ADGRF3: variants seen among roughly 807,000 people sequenced by gnomAD.
ADGRF3 encodes the protein G protein-coupled receptor 113.
ADGRF3 carries 85 observed loss-of-function variants against 93.2 expected under a neutral mutation model. The ratio of observed to expected loss-of-function variants is 0.91; its 90% CI spans 0.77 to 1.09. The LOEUF (loss-of-function observed/expected upper bound fraction) is 1.09, where lower values mean the gene tolerates loss of function less well. ADGRF3 is among the 50% of genes least tolerant of loss of function. ADGRF3 has a pLI of 0.00. For missense variants in ADGRF3, 1,125 were observed against 1,246.2 expected, an observed-to-expected ratio of 0.90 and a Z score of 1.46; for synonymous variants, 534 against 532.5, an observed-to-expected ratio of 1.00 and a Z score of -0.04.
intron 13 of ADGRF3, 80 bp downstream of exon 13, chr2:26,309,446 G>A: frequency 6.4e-7 from 1 of 1,564,056 alleles, no homozygotes. Flanking sequence ...CTTCTCTCCA[G>A]CACTTTGCCA....
chr2:26,309,197 A>T, intron 13 of ADGRF3, 90 bp from the exon 14 acceptor site: 1 of 1,613,888 alleles, frequency 6.2e-7, no homozygotes, highest in Non-Finnish European at 8.5e-7. Context: ...ACCCATGGCA[A>T]TCCCTTCAAG....
intron 13 of ADGRF3, 49 bp from the exon 14 acceptor site, chr2:26,309,156 C>CA: frequency 6.2e-7 from 1 of 1,614,018 alleles, no homozygotes; most frequent in Non-Finnish European, 8.5e-7. Context: ...CCAACTTCTG[C>CA]AGGCTGCCCT....
At chr2:26,321,949 G>T (rs1675171614) in intron 1 of ADGRF3, among the ~76,000 whole-genome samples, 1 of 147,466 alleles carries the variant, frequency 6.8e-6, no homozygotes, top group Non-Finnish European at 1.5e-5. Flanking sequence ...CTCCAGCCTG[G>T]GTGACAGAAT....
rs1397349333 is a variant in ADGRF3, at chr2:26,310,710, G to C, written c.2814C>G (p.Thr938=). 6.2e-7 allele frequency: 1 copy of C among 1,611,974 alleles called. No homozygotes were observed. The highest frequency in any genetic ancestry group is 8.5e-7 in the Non-Finnish European group (1 of 1,179,068). Residue 938 remains threonine (T), a synonymous_variant, in exon 10 of 14, where the codon ACC becomes ACG. Transcript: ENST00000651242. ...CACCTACCTGGAGGGTGTTGAGAAT[G>C]GTGAAGATGTAATGAGGGACCGTGG... is the stretch of plus-strand genomic sequence containing the variant. ...EVSTVPHYIF[T]ILNTLQGVFI... is the part of the protein sequence containing the mutation.
intron 6 of ADGRF3, among the ~76,000 whole-genome samples, chr2:26,314,154 A>G (rs115484120): frequency 2.4e-3 from 358 of 152,338 alleles, no homozygotes; most frequent in African/African-American, 8.4e-3. Context: ...AATGGAGACT[A>G]CCATCAAACT....
At chr2:26,315,088 C>T (rs568744459) in intron 5 of ADGRF3, among the ~76,000 whole-genome samples, 1 of 152,146 alleles carries the variant, frequency 6.6e-6, no homozygotes, top group Non-Finnish European at 1.5e-5. Flanking sequence ...AAATCTTGCC[C>T]GTGTCTGGGT....
At chr2:26,339,847 A>G (rs1239019963) in intron 1 of ADGRF3, among the ~76,000 whole-genome samples, 1 of 152,172 alleles carries the variant, frequency 6.6e-6, no homozygotes, top group African/African-American at 2.4e-5. Flanking sequence ...ATCAGCCCGC[A>G]TTCCAGGTGG....
intron 1 of ADGRF3, among the ~76,000 whole-genome samples, chr2:26,343,789 G>A (rs1263779498): frequency 6.6e-6 from 1 of 152,162 alleles, no homozygotes; most frequent in African/African-American, 2.4e-5. Flanking sequence ...AGTGAAGTAA[G>A]TTGTCTGAGA....
At chr2:26,333,850 G>A (rs538759684) in intron 1 of ADGRF3, among the ~76,000 whole-genome samples, 28 of 152,024 alleles carry the variant, frequency 1.8e-4, no homozygotes, top group African/African-American at 6.8e-4. Context: ...TTAAGACAGA[G>A]TCTGGCTGTG....
chr2:26,317,786 C>G (rs111574690), intron 1 of ADGRF3, among the ~76,000 whole-genome samples: 2 of 152,248 alleles, frequency 1.3e-5, no homozygotes, highest in Non-Finnish European at 2.9e-5. Context: ...CAGGCACGCC[C>G]TGGGAAGTCA....
Position 26,346,560 on chromosome 2 carries a change from A to ATT in ADGRF3, c.-328_-327dup. The ATT allele has an allele frequency of 2.9e-6, 1 of 343,678 alleles. No individual in the cohort carries two copies. The highest frequency in any genetic ancestry group is 5.2e-5 in the East Asian group (1 of 19,330). The allele number at this position is 343,678 out of a possible 1,614,324, so 21.3% of individuals were successfully genotyped here. The stretch of plus-strand genomic sequence containing the variant: ...CATGGAGCGAGGGAATTCCCTTCCT[A>ATT]TTTTTTTTAAACTTATTATTTTCGT... On this transcript the variant is annotated 5_prime_UTR_variant, in exon 1 of 14. The change creates a premature stop within an existing upstream ORF in the 5' untranslated region. Transcript: ENST00000651242.
chr2:26,318,615 G>A (rs1271656862), intron 1 of ADGRF3, among the ~76,000 whole-genome samples: 1 of 152,168 alleles, frequency 6.6e-6, no homozygotes, highest in African/African-American at 2.4e-5. Flanking sequence ...TCTTTCCTCA[G>A]ATTCTCTCCC....
At chr2:26,336,341 T>TGTGTGTGTGA (rs1257200129) in intron 1 of ADGRF3, among the ~76,000 whole-genome samples, 5 of 151,902 alleles carry the variant, frequency 3.3e-5, no homozygotes, top group South Asian at 2.1e-4. Context: ...TGTGTGAGTG[T>TGTGTGTGTGA]GTGTTTGTAT....
At chr2:26,324,371 G>T (rs1314671870) in intron 1 of ADGRF3, among the ~76,000 whole-genome samples, 1 of 152,096 alleles carries the variant, frequency 6.6e-6, no homozygotes, top group Non-Finnish European at 1.5e-5. Flanking sequence ...TAGGTTCAGG[G>T]GTACAAGTGC....
At chr2:26,324,371 G>A (rs1314671870) in intron 1 of ADGRF3, among the ~76,000 whole-genome samples, 1 of 152,096 alleles carries the variant, frequency 6.6e-6, no homozygotes, top group East Asian at 1.9e-4. Flanking sequence ...TAGGTTCAGG[G>A]GTACAAGTGC....
At chr2:26,313,343 AG>A in intron 8 of ADGRF3, 33 bp downstream of exon 8, 1 of 1,526,108 alleles carries the variant, frequency 6.6e-7, no homozygotes, top group Non-Finnish European at 8.8e-7. Flanking sequence ...TGGGCCGTGG[AG>A]GGGGCACGTG....
intron 6 of ADGRF3, 138 bp from the exon 7 acceptor site, chr2:26,314,041 G>A: frequency 9.4e-7 from 1 of 1,068,526 alleles, no homozygotes; most frequent in Non-Finnish European, 1.4e-6. Flanking sequence ...ATGATGTGTG[G>A]GCTCCACTTG....
intron 1 of ADGRF3, among the ~76,000 whole-genome samples, chr2:26,325,225 G>A (rs553164199): frequency 1.3e-5 from 2 of 152,232 alleles, no homozygotes; most frequent in African/African-American, 4.8e-5. Flanking sequence ...GCTAATCCTC[G>A]GCTGACACAG....
intron 10 of ADGRF3, 21 bp from the exon 11 acceptor site, chr2:26,310,258 A>G: frequency 6.2e-7 from 1 of 1,613,856 alleles, no homozygotes; most frequent in Non-Finnish European, 8.5e-7. Context: ...GGACATGGGG[A>G]TAAGCTGGTC....
Sources: allele counts gnomAD v4.1 joint callset (sites outside exome capture counted in the v4.1 genomes callset), GRCh38; gene constraint gnomAD v4.1.1; transcripts MANE v1.5; gene names NCBI Gene and HGNC (gene_info 2026-07-23, HGNC 2026-07-21).